The following UGT2A1 variants were observed in gnomAD, a reference collection of about 807,000 sequenced individuals.
The protein encoded by UGT2A1 is UDP-glucuronosyltransferase 2A1.
UGT2A1 carries 61 observed loss-of-function variants against 45.4 expected under a neutral mutation model. That is an observed-to-expected ratio of 1.34 (90% confidence interval 1.09 to 1.66). The LOEUF is 1.66. Among genes scored for constraint, UGT2A1 ranks in the 40% most tolerant of loss-of-function variants. The pLI, the probability that UGT2A1 is intolerant of heterozygous loss-of-function variation, is 0.00. For synonymous variants in UGT2A1, 229 were observed against 196.2 expected (o/e 1.17, Z -1.40); for missense variants, 649 against 574.3 (o/e 1.13, Z -1.33).
At chr4:69,651,419 T>C (rs1183773409) in intron 1 of UGT2A1, among the ~76,000 whole-genome samples, 1 of 152,084 alleles carries the variant, frequency 6.6e-6, no homozygotes, top group African/African-American at 2.4e-5. Context: ...AAAATAAAAA[T>C]AAACTGTGTA....
chr4:69,615,893 C>T (rs1366148856), intron 3 of UGT2A1, among the ~76,000 whole-genome samples: 4 of 151,248 alleles, frequency 2.6e-5, no homozygotes, highest in African/African-American at 9.7e-5. Flanking sequence ...TATGATCCGA[C>T]AATCACACTG....
At position 69,588,462 on chromosome 4, in the gene UGT2A1, C is replaced by T. The variant is rs1432111543; in HGVS notation, c.*910G>A. ...TTTTATTTTTTGGCATAAAATTAAA[C>T]TTTTGATTACAAATAGTGATTATAT... On this transcript the variant is annotated 3_prime_UTR_variant, in exon 7 of 7. Coordinates refer to ENST00000286604, the MANE Select transcript of UGT2A1 (RefSeq NM_001252275.3). The T allele has an allele frequency of 2.0e-5, 3 of 151,872 alleles. No individual in the cohort carries two copies. Among genetic ancestry groups the T allele is most frequent in the African/African-American group, 4.8e-5 (2 of 41,386 alleles). 9.4% of individuals were successfully genotyped at this position (151,872 alleles called of 1,614,324 possible).
chr4:69,646,392 A>G (rs1722259567), intron 2 of UGT2A1, among the ~76,000 whole-genome samples: 1 of 151,852 alleles, frequency 6.6e-6, no homozygotes, highest in Admixed American at 6.6e-5. Flanking sequence ...TAAGCTTAGC[A>G]TGGATAAATC....
chr4:69,596,742 C>T (rs1035728582), intron 4 of UGT2A1, among the ~76,000 whole-genome samples: 2 of 152,086 alleles, frequency 1.3e-5, no homozygotes, highest in Non-Finnish European at 2.9e-5. Flanking sequence ...GGCTGGTCTC[C>T]ACCTCCTGGC....
chr4:69,639,663 G>T, intron 2 of UGT2A1: 1 of 1,505,440 alleles, frequency 6.6e-7, no homozygotes, highest in South Asian at 1.4e-5. Context: ...CCTTCAAGAT[G>T]AAAAAAAAAT....
In UGT2A1 at chr4:69,601,809, G is replaced by A. The variant is rs142953242; in HGVS notation, c.848-2415C>T. On this transcript the variant is annotated intron_variant, in intron 3 of 6. Coordinates refer to ENST00000286604, the MANE Select transcript of UGT2A1 (RefSeq NM_001252275.3). Reference sequence around the variant, plus strand: ...CCCTTGCAGACATTCCCTAGCACCAGTCTGGGGTGTGACAGCCCTACTGGG... The same window carrying A: ...CCCTTGCAGACATTCCCTAGCACCAATCTGGGGTGTGACAGCCCTACTGGG... 6.6e-3 allele frequency among the ~76,000 whole-genome samples: 710 copies of A among 107,536 alleles called. 130 individuals carry two copies. Among genetic ancestry groups the A allele is most frequent in the Non-Finnish European group, 9.2e-3 (479 of 52,274 alleles). 70.5% of individuals were successfully genotyped at this position (107,536 alleles called of 152,430 possible).
intron 3 of UGT2A1, among the ~76,000 whole-genome samples, chr4:69,618,209 G>GTA (rs767771388): frequency 0.21 from 22,491 of 108,950 alleles, 1,998 homozygotes; most frequent in Non-Finnish European, 0.25. Flanking sequence ...GTGTGTGTGT[G>GTA]TGTGTGTATG....
rs970963368 is a variant in UGT2A1 at position 69,589,390 on chromosome 4, C to A, written c.1566G>T (p.Lys522Asn). 6.2e-7 allele frequency: 1 copy of A among 1,603,196 alleles called. No homozygotes were observed. Among genetic ancestry groups the A allele is most frequent in the African/African-American group, 1.4e-5 (1 of 74,032 alleles). Residue 522 changes from lysine (K) to asparagine (N), a missense_variant, in exon 7 of 7, where the codon AAG becomes AAT. By Grantham distance (94) the Lys-to-Asn change is moderately conservative. Coordinates refer to ENST00000286604, the MANE Select transcript of UGT2A1 (RefSeq NM_001252275.3). ...TCTTGACCTATTCTCTTTTTTTCTT[C>A]TTTCCTATCTTACCAAATTTTTGAC... ...FSCQKFGKIGKKKKRE is the reference protein window; with the variant it reads ...FSCQKFGKIGNKKKRE
chr4:69,630,973 A>G (rs958433091), intron 3 of UGT2A1, among the ~76,000 whole-genome samples: 4 of 152,142 alleles, frequency 2.6e-5, no homozygotes, highest in African/African-American at 9.7e-5. Context: ...AAATGTTATT[A>G]ATAACTTGAA....
intron 2 of UGT2A1, chr4:69,639,352 C>CA (rs1364110861): frequency 1.9e-5 from 30 of 1,613,642 alleles, no homozygotes; most frequent in Non-Finnish European, 2.5e-5. Flanking sequence ...ATCATATGCT[C>CA]AATTAAGGAA....
chr4:69,649,697 CATAT>C (rs1722434296), intron 1 of UGT2A1, among the ~76,000 whole-genome samples: 3 of 152,202 alleles, frequency 2.0e-5, no homozygotes, highest in Non-Finnish European at 2.9e-5. Flanking sequence ...TATACATATA[CATAT>C]ACATGCTGTG....
At chr4:69,649,985 TG>T (rs1208701830) in intron 1 of UGT2A1, among the ~76,000 whole-genome samples, 3 of 152,108 alleles carry the variant, frequency 2.0e-5, no homozygotes, top group Non-Finnish European at 2.9e-5. Flanking sequence ...AATCTTTTTT[TG>T]TGTGCCATAT....
At chr4:69,607,839 T>G (rs1405950548) in intron 3 of UGT2A1, among the ~76,000 whole-genome samples, 1 of 152,154 alleles carries the variant, frequency 6.6e-6, no homozygotes, top group Non-Finnish European at 1.5e-5. Flanking sequence ...TCACTGGCCA[T>G]CAGAGAAATG....
chr4:69,629,934 C>T (rs74712271), intron 3 of UGT2A1, among the ~76,000 whole-genome samples: 2 of 152,052 alleles, frequency 1.3e-5, no homozygotes, highest in South Asian at 2.1e-4. Flanking sequence ...TGTATATTAT[C>T]ATTGCAATAG....
intron 3 of UGT2A1, among the ~76,000 whole-genome samples, chr4:69,631,694 C>T (rs1463477072): frequency 6.6e-6 from 1 of 152,066 alleles, no homozygotes; most frequent in Non-Finnish European, 1.5e-5. Flanking sequence ...CACTAATTAT[C>T]CCAGCTGACA....
chr4:69,620,385 TA>T (rs933859573), intron 3 of UGT2A1, among the ~76,000 whole-genome samples: 1 of 131,624 alleles, frequency 7.6e-6, no homozygotes, highest in Non-Finnish European at 1.7e-5. Flanking sequence ...TCACAATTGC[TA>T]AAAAAGAATA....
chr4:69,590,151 T>C (rs1157351511), intron 6 of UGT2A1, among the ~76,000 whole-genome samples: 2 of 152,210 alleles, frequency 1.3e-5, no homozygotes, highest in African/African-American at 2.4e-5. Context: ...GTGGCACACA[T>C]CTGTATGTTT....
At chr4:69,623,380 T>A (rs1162164537) in intron 3 of UGT2A1, among the ~76,000 whole-genome samples, 2 of 151,616 alleles carry the variant, frequency 1.3e-5, no homozygotes, top group Non-Finnish European at 2.9e-5. Flanking sequence ...TTTGTGAGAA[T>A]CATCTCGAAG....
rs1224616234 is a variant in UGT2A1 at position 69,606,347 on chromosome 4, G to C, written c.848-6953C>G. ...CCACATGATTATCTCAATAGATGCA[G>C]AAAAGGCCTTGAAAAAATTCAACAA... On this transcript the variant is annotated intron_variant, in intron 3 of 6. Coordinates refer to ENST00000286604, the MANE Select transcript of UGT2A1 (RefSeq NM_001252275.3). 1.0e-4 allele frequency among the ~76,000 whole-genome samples: 14 copies of C among 136,420 alleles called. 3 individuals are homozygous for C. The highest frequency in any genetic ancestry group is 3.9e-4 in the African/African-American group (13 of 33,484). 89.5% of individuals were successfully genotyped at this position (136,420 alleles called of 152,430 possible).
Sources: allele counts gnomAD v4.1 joint callset (sites outside exome capture counted in the v4.1 genomes callset), GRCh38; gene constraint gnomAD v4.1.1; transcripts MANE v1.5; gene names NCBI Gene and HGNC (gene_info 2026-07-23, HGNC 2026-07-21).